FMN1: variants seen among roughly 807,000 people sequenced by gnomAD.
FMN1 encodes the protein formin-1.
FMN1 carries 110 observed loss-of-function variants against 132.4 expected under a neutral mutation model. That is an observed-to-expected ratio of 0.83 (90% confidence interval 0.71 to 0.97). FMN1 has a LOEUF of 0.97. Among genes scored for constraint, FMN1 ranks in the 50% least tolerant of loss-of-function variants. FMN1 has a pLI of 0.00. For synonymous variants in FMN1, 722 were observed against 651.7 expected (o/e 1.11, Z -1.64); for missense variants, 1,792 against 1,705.3 (o/e 1.05, Z -0.90).
intron 3 of FMN1, among the ~76,000 whole-genome samples, chr15:33,156,458 A>ATT (rs904736857): frequency 7.4e-6 from 1 of 136,038 alleles, no homozygotes; most frequent in Admixed American, 7.4e-5. Context: ...GTTTTTTTGT[A>ATT]TTTTTTTTTT....
chr15:33,012,134 A>G (rs576311199), intron 6 of FMN1: 499 of 478,806 alleles, frequency 1.0e-3, no homozygotes, highest in Non-Finnish European at 1.6e-3. Flanking sequence ...TGCACATCAG[A>G]GTCCCTCAAA....
At chr15:33,141,743 T>A (rs1964019090) in intron 4 of FMN1, among the ~76,000 whole-genome samples, 1 of 151,868 alleles carries the variant, frequency 6.6e-6, no homozygotes, top group South Asian at 2.1e-4. Flanking sequence ...TGGGAGTACC[T>A]CCCCCCTTGC....
intron 6 of FMN1, among the ~76,000 whole-genome samples, chr15:33,056,299 G>A (rs921067650): frequency 9.2e-5 from 14 of 152,322 alleles, no homozygotes; most frequent in African/African-American, 3.4e-4. Flanking sequence ...GCCAAATTAA[G>A]TTTAACAAAG....
At position 32,769,569 on chromosome 15, in the gene FMN1, T is replaced by C. The variant is rs1029735386; in HGVS notation, c.*4741A>G. On this transcript the variant is annotated 3_prime_UTR_variant, in exon 21 of 21. Coordinates refer to ENST00000616417, the MANE Select transcript of FMN1 (RefSeq NM_001277313.2). ...AAGAAAGATATGCTAAGTCAAGTAT[T>C]TGAAGATGCTTTTCTTTAAGCCACT... is the stretch of plus-strand genomic sequence containing the variant. The C allele has an allele frequency of 1.2e-4, 18 of 152,268 alleles. No individual in the cohort carries two copies. Among genetic ancestry groups the C allele is most frequent in the Non-Finnish European group, 2.5e-4 (17 of 68,042 alleles). 9.4% of individuals were successfully genotyped at this position (152,268 alleles called of 1,614,324 possible).
chr15:32,983,833 T>C (rs2032871821), intron 7 of FMN1, among the ~76,000 whole-genome samples: 1 of 152,226 alleles, frequency 6.6e-6, no homozygotes, highest in East Asian at 1.9e-4. Context: ...ACCCATCTTT[T>C]AGAGGTTTCT....
intron 4 of FMN1, among the ~76,000 whole-genome samples, chr15:33,148,145 C>CA (rs1964300306): frequency 6.6e-6 from 1 of 152,132 alleles, no homozygotes. Flanking sequence ...AACATATACC[C>CA]ATATACCACA....
At chr15:32,893,401 AG>A (rs2060079896) in intron 15 of FMN1, among the ~76,000 whole-genome samples, 1 of 148,600 alleles carries the variant, frequency 6.7e-6, no homozygotes, top group African/African-American at 2.6e-5. Context: ...TGCGCGCGCT[AG>A]AAAAAAGGAA....
intron 3 of FMN1, among the ~76,000 whole-genome samples, chr15:33,164,117 T>C (rs1403261622): frequency 6.6e-6 from 1 of 152,164 alleles, no homozygotes; most frequent in Non-Finnish European, 1.5e-5. Flanking sequence ...GGTTTCCTAC[T>C]CAAAGACTAA....
intron 4 of FMN1, among the ~76,000 whole-genome samples, chr15:33,116,552 TTC>T (rs1193059985): frequency 6.6e-6 from 1 of 152,182 alleles, no homozygotes; most frequent in Non-Finnish European, 1.5e-5. Context: ...CTCAATTAAA[TTC>T]TGTTAAATTT....
intron 4 of FMN1, among the ~76,000 whole-genome samples, chr15:33,112,643 G>A (rs1285642127): frequency 6.6e-6 from 1 of 151,958 alleles, no homozygotes; most frequent in African/African-American, 2.4e-5. Context: ...CTCATCAACT[G>A]ACTGGCCTAT....
At chr15:32,838,529 G>C (rs1341470437) in intron 17 of FMN1, among the ~76,000 whole-genome samples, 5 of 152,206 alleles carry the variant, frequency 3.3e-5, no homozygotes, top group Admixed American at 1.3e-4. Context: ...CGAGTGACCT[G>C]ACTGCAGGCT....
intron 17 of FMN1, among the ~76,000 whole-genome samples, chr15:32,819,851 G>A (rs1233846028): frequency 6.6e-6 from 1 of 152,028 alleles, no homozygotes; most frequent in East Asian, 1.9e-4. Context: ...ATTATTTTAT[G>A]GTTAGTTTAA....
chr15:32,822,664 A>C (rs902506818), intron 17 of FMN1, among the ~76,000 whole-genome samples: 1 of 152,138 alleles, frequency 6.6e-6, no homozygotes, highest in African/African-American at 2.4e-5. Context: ...TGGCTCTTTC[A>C]ATAAGAGATG....
chr15:33,139,574 G>C (rs561794642), intron 4 of FMN1, among the ~76,000 whole-genome samples: 177 of 152,362 alleles, frequency 1.2e-3, no homozygotes, highest in African/African-American at 4.2e-3. Flanking sequence ...CAGGGCGACA[G>C]AGCGAGACTT....
chr15:33,055,999 G>A (rs1478328314), intron 6 of FMN1, among the ~76,000 whole-genome samples: 1 of 152,160 alleles, frequency 6.6e-6, no homozygotes, highest in African/African-American at 2.4e-5. Flanking sequence ...TGGTGATCAA[G>A]GAAACACCAA....
At chr15:32,929,547 G>C (rs2339165) in intron 9 of FMN1, among the ~76,000 whole-genome samples, 2 of 152,074 alleles carry the variant, frequency 1.3e-5, no homozygotes, top group East Asian at 3.9e-4. Context: ...TTCACCTTGC[G>C]TAACAGAAAT....
At chr15:33,169,461 A>C (rs1462761372) in intron 3 of FMN1, among the ~76,000 whole-genome samples, 1 of 152,194 alleles carries the variant, frequency 6.6e-6, no homozygotes, top group Non-Finnish European at 1.5e-5. Flanking sequence ...CAATAAAAAA[A>C]TTCAAACGGA....
At chr15:33,125,222 G>C (rs963711550) in intron 4 of FMN1, among the ~76,000 whole-genome samples, 6 of 151,966 alleles carry the variant, frequency 3.9e-5, no homozygotes, top group Admixed American at 3.9e-4. Flanking sequence ...CCTAATTTTT[G>C]TCTTCCATAA....
chr15:32,892,306 G>C (rs550187778), intron 15 of FMN1, among the ~76,000 whole-genome samples: 1 of 152,102 alleles, frequency 6.6e-6, no homozygotes, highest in African/African-American at 2.4e-5. Flanking sequence ...TGCATCTATT[G>C]ATATGATCAT....
Sources: allele counts gnomAD v4.1 joint callset (sites outside exome capture counted in the v4.1 genomes callset), GRCh38; gene constraint gnomAD v4.1.1; transcripts MANE v1.5; gene names NCBI Gene and HGNC (gene_info 2026-07-23, HGNC 2026-07-21).